Variants in POLA1 observed in about 807,000 individuals in gnomAD.
POLA1 encodes the protein DNA polymerase alpha 1, catalytic subunit, also known as DNA polymerase alpha catalytic subunit.
Under a neutral mutation model 124.0 loss-of-function variants are expected in POLA1, and 15 were observed. The observed-to-expected ratio is 0.12, with a 90% CI of 0.08 to 0.19. The LOEUF (loss-of-function observed/expected upper bound fraction) is 0.19. Among genes scored for constraint, POLA1 ranks in the 10% least tolerant of loss-of-function variants. The probability of loss-of-function intolerance (pLI) is 1.00; values close to 1 mark genes in which losing one functional copy is unlikely to be tolerated. For synonymous variants in POLA1, 408 were observed against 389.4 expected (o/e 1.05, Z -0.56); for missense variants, 886 against 1,103.4 (o/e 0.80, Z 2.79).
intron 26 of POLA1, among the ~76,000 whole-genome samples, chrX:24,803,561 A>G (rs769830627): frequency 2.0e-4 from 22 of 111,204 alleles, no homozygotes; most frequent in Non-Finnish European, 3.8e-4. Context: ...GTGCATAAAG[A>G]TGTATCCAGA....
chrX:24,994,136 C>T (rs976499320), intron 36 of POLA1, among the ~76,000 whole-genome samples: 5 of 112,370 alleles, frequency 4.4e-5, no homozygotes, highest in East Asian at 2.8e-4. Flanking sequence ...GGGAGGCAGC[C>T]GACACTGGTT....
intron 34 of POLA1, among the ~76,000 whole-genome samples, chrX:24,855,286 T>C (rs757453363): frequency 2.7e-5 from 3 of 111,899 alleles, no homozygotes; most frequent in Non-Finnish European, 3.8e-5. Context: ...TGCAAATTTA[T>C]TTTTAAATTT....
chrX:24,694,611 A>C (rs1050580821), intron 1 of POLA1, among the ~76,000 whole-genome samples: 3 of 112,545 alleles, frequency 2.7e-5, no homozygotes, highest in Non-Finnish European at 3.8e-5. Context: ...AGTTTCAAAA[A>C]AATGGCATCA....
chrX:24,835,187 G>A (rs1055096125), intron 32 of POLA1, among the ~76,000 whole-genome samples: 1 of 108,943 alleles, frequency 9.2e-6, no homozygotes, highest in Non-Finnish European at 1.9e-5. Flanking sequence ...AGCTGGGATC[G>A]CAGGCATGCG....
chrX:24,973,973 A>T (rs1296504353), intron 36 of POLA1, among the ~76,000 whole-genome samples: 1 of 109,493 alleles, frequency 9.1e-6, no homozygotes, highest in African/African-American at 3.3e-5. Flanking sequence ...CTCATTGTTC[A>T]TACTTGTTTT....
intron 36 of POLA1, among the ~76,000 whole-genome samples, chrX:24,938,259 T>TA (rs2047875386): frequency 1.8e-5 from 2 of 111,165 alleles, no homozygotes; most frequent in South Asian, 7.7e-4. Context: ...CTATTAAAAG[T>TA]AAAAAAATTA....
chrX:24,811,248 C>CTT (rs372687014), intron 28 of POLA1, among the ~76,000 whole-genome samples: 2 of 98,747 alleles, frequency 2.0e-5, no homozygotes, highest in South Asian at 4.5e-4. Context: ...GCCCAATCCT[C>CTT]TTTTTTTTTT....
rs761872225 is a variant in POLA1 at position 24,853,925 on chromosome X, A to G, written c.4047+10248A>G. Among the ~76,000 whole-genome samples the G allele has an allele frequency of 8.0e-5, 9 of 112,486 alleles. No homozygotes were observed. In the South Asian group the frequency reaches 1.1e-3, roughly 14 times the overall value. On this transcript the variant is annotated intron_variant, in intron 34 of 36. Transcript: ENST00000379068. Reference sequence around the variant, plus strand: ...ATATATATTTAAAGGTTGCAATTTAATAAAATTTTACTTTCATTGAGGACT... The same window carrying G: ...ATATATATTTAAAGGTTGCAATTTAGTAAAATTTTACTTTCATTGAGGACT...
intron 24 of POLA1, among the ~76,000 whole-genome samples, chrX:24,747,586 G>T (rs1029537624): frequency 2.7e-5 from 3 of 111,311 alleles, no homozygotes; most frequent in African/African-American, 9.8e-5. Context: ...GTAGTAAAAT[G>T]ATTTAAAATA....
intron 17 of POLA1, 131 bp from the exon 18 acceptor site, chrX:24,735,268 C>T: frequency 4.8e-6 from 2 of 417,556 alleles, no homozygotes; most frequent in East Asian, 7.8e-5. Flanking sequence ...AATTTCATTG[C>T]TACATTTAGT....
intron 26 of POLA1, among the ~76,000 whole-genome samples, chrX:24,776,838 G>A (rs1265453925): frequency 8.9e-6 from 1 of 112,283 alleles, no homozygotes; most frequent in Non-Finnish European, 1.9e-5. Context: ...GGAAGAACAT[G>A]AGTTTGAAAT....
At chrX:24,822,951 A>T (rs1165508179) in intron 31 of POLA1, among the ~76,000 whole-genome samples, 1 of 111,734 alleles carries the variant, frequency 8.9e-6, no homozygotes, top group East Asian at 2.8e-4. Flanking sequence ...GTTTTGGCCA[A>T]ACCTGCAATG....
rs1357379092 is a variant in POLA1, at chrX:24,743,347, A to G, written c.2566+18A>G. ...CAAAGTTGGTAAGGCTGGGCAGTGA[A>G]TTGGTTTTCTCCCAGTATTAAGGAA... On this transcript the variant is annotated intron_variant, in intron 23 of 36. Coordinates refer to ENST00000379068, the MANE Select transcript of POLA1 (RefSeq NM_001330360.2). The G allele has an allele frequency of 4.5e-6, 4 of 879,563 alleles. No homozygotes were observed. The highest frequency in any genetic ancestry group is 5.0e-6 in the Non-Finnish European group (3 of 605,919). 72.5% of individuals were successfully genotyped at this position (879,563 alleles called of 1,213,427 possible).
intron 26 of POLA1, among the ~76,000 whole-genome samples, chrX:24,803,575 CT>C (rs1285918498): frequency 9.0e-6 from 1 of 111,066 alleles, no homozygotes; most frequent in African/African-American, 3.3e-5. Flanking sequence ...ATCCAGACAA[CT>C]TGTGAGAACT....
At chrX:24,774,926 C>T (rs752684483) in intron 26 of POLA1, among the ~76,000 whole-genome samples, 1 of 112,169 alleles carries the variant, frequency 8.9e-6, no homozygotes, top group African/African-American at 3.2e-5. Flanking sequence ...TTTCATGAAA[C>T]TTGGTATTAT....
chrX:24,698,874 A>G (rs974061728), intron 1 of POLA1, among the ~76,000 whole-genome samples: 2 of 110,806 alleles, frequency 1.8e-5, no homozygotes, highest in Non-Finnish European at 3.8e-5. Context: ...GCTGGTCTCG[A>G]ACTCCTGACC....
intron 34 of POLA1, among the ~76,000 whole-genome samples, chrX:24,845,149 T>TGTG: frequency 8.9e-6 from 1 of 111,995 alleles, no homozygotes; most frequent in Middle Eastern, 4.6e-3. Flanking sequence ...GTGTGTATGT[T>TGTG]GTGGTGGTGG....
intron 36 of POLA1, among the ~76,000 whole-genome samples, chrX:24,984,079 C>G (rs758150070): frequency 6.2e-5 from 7 of 112,401 alleles, no homozygotes; most frequent in African/African-American, 1.3e-4. Context: ...GTGTAAGAGA[C>G]ACACCGCTTT....
intron 35 of POLA1, among the ~76,000 whole-genome samples, chrX:24,903,260 C>T (rs1191970698): frequency 8.9e-6 from 1 of 112,831 alleles, no homozygotes; most frequent in Non-Finnish European, 1.9e-5. Flanking sequence ...TCAAAACAAG[C>T]GCTGTAGCAG....
Sources: allele counts gnomAD v4.1 joint callset (sites outside exome capture counted in the v4.1 genomes callset), GRCh38; gene constraint gnomAD v4.1.1; transcripts MANE v1.5; gene names NCBI Gene and HGNC (gene_info 2026-07-23, HGNC 2026-07-21).